TMEM117: variants seen among roughly 807,000 people sequenced by gnomAD.
TMEM117 encodes transmembrane protein 117.
In TMEM117, 27 loss-of-function variants were observed where a neutral mutation model predicts 52.4. The ratio of observed to expected loss-of-function variants is 0.51; its 90% CI spans 0.38 to 0.71. TMEM117 has a LOEUF of 0.71. Among genes scored for constraint, TMEM117 ranks in the 30% least tolerant of loss-of-function variants. TMEM117 has a pLI of 0.00. For synonymous variants in TMEM117, 215 were observed against 206.3 expected, an observed-to-expected ratio of 1.04 and a Z score of -0.36; for missense variants, 556 against 630.5, an observed-to-expected ratio of 0.88 and a Z score of 1.26.
At chr12:44,107,631 CTATTTCTAATGAAGAA>C (rs1207207311) in intron 3 of TMEM117, among the ~76,000 whole-genome samples, 1 of 152,004 alleles carries the variant, frequency 6.6e-6, no homozygotes, top group Non-Finnish European at 1.5e-5. Context: ...AATTTTTCGA[CTATTTCTAATGAAGAA>C]TATATAAAAT....
chr12:44,348,454 C>T (rs1951520193), intron 6 of TMEM117, among the ~76,000 whole-genome samples: 1 of 151,776 alleles, frequency 6.6e-6, no homozygotes, highest in South Asian at 2.1e-4. Context: ...GTACCAATAC[C>T]CCCTAGTCCA....
At chr12:44,389,892 A>G (rs908559538), downstream of TMEM117, 1 of 152,088 alleles carries the variant, frequency 6.6e-6, no homozygotes, top group African/African-American at 2.4e-5. Context: ...ATTTTGTTCC[A>G]TAAATTGTGG....
intron 3 of TMEM117, among the ~76,000 whole-genome samples, chr12:44,052,129 T>C (rs1210602684): frequency 1.3e-5 from 2 of 152,210 alleles, no homozygotes; most frequent in Non-Finnish European, 2.9e-5. Context: ...ACAATACATA[T>C]TAGCAATGCT....
At chr12:44,164,760 C>T (rs1177666671) in intron 4 of TMEM117, among the ~76,000 whole-genome samples, 10 of 152,142 alleles carry the variant, frequency 6.6e-5, no homozygotes, top group Non-Finnish European at 4.4e-5. Flanking sequence ...CTGAGAATCA[C>T]TTAAACCATG....
chr12:44,031,246 A>G (rs1946628424), intron 3 of TMEM117, among the ~76,000 whole-genome samples: 1 of 152,160 alleles, frequency 6.6e-6, no homozygotes, highest in African/African-American at 2.4e-5. Flanking sequence ...ATTCTGATAT[A>G]ACTTAGTGTA....
At chr12:43,846,728 T>C (rs1943215865) in intron 2 of TMEM117, among the ~76,000 whole-genome samples, 1 of 152,186 alleles carries the variant, frequency 6.6e-6, no homozygotes, top group African/African-American at 2.4e-5. Context: ...AATGTAATAA[T>C]AGAGCTTTGG....
chr12:43,833,533 C>G (rs1942994385), upstream of TMEM117, among the ~76,000 whole-genome samples: 1 of 151,944 alleles, frequency 6.6e-6, no homozygotes, highest in Admixed American at 6.6e-5. Flanking sequence ...TGTGGCTCAC[C>G]CTGAAATCCC....
At chr12:44,318,486 T>C (rs1441655859) in intron 6 of TMEM117, 1 of 151,590 alleles carries the variant, frequency 6.6e-6, no homozygotes, top group African/African-American at 2.4e-5. Context: ...ACAGGAAAGG[T>C]AGGGTGGCTA....
intron 6 of TMEM117, among the ~76,000 whole-genome samples, chr12:44,331,510 T>C (rs1951270173): frequency 6.6e-6 from 1 of 152,048 alleles, no homozygotes; most frequent in Non-Finnish European, 1.5e-5. Context: ...ACTCAAGAGT[T>C]AAAGAGCTTT....
chr12:44,396,592 G>T, the TMEM117 span, among the ~76,000 whole-genome samples: 1 of 152,110 alleles, frequency 6.6e-6, no homozygotes, highest in Non-Finnish European at 1.5e-5. Context: ...GGTGGCTCAA[G>T]CCTGTAATCC....
the TMEM117 span, among the ~76,000 whole-genome samples, chr12:43,808,635 C>A: frequency 1.3e-5 from 2 of 151,826 alleles, no homozygotes; most frequent in Non-Finnish European, 2.9e-5. Flanking sequence ...AGAGGGAGCA[C>A]AGGATCCATC....
At chr12:43,810,351 G>A in the TMEM117 span, among the ~76,000 whole-genome samples, 1 of 152,168 alleles carries the variant, frequency 6.6e-6, no homozygotes, top group African/African-American at 2.4e-5. Context: ...GTCTTTGCTA[G>A]TGATGCTAAT....
chr12:44,185,865 GACATAC>G (rs1265273924), intron 4 of TMEM117, among the ~76,000 whole-genome samples: 2 of 112,322 alleles, frequency 1.8e-5, no homozygotes, highest in African/African-American at 3.6e-5. Flanking sequence ...AGACCTAAAA[GACATAC>G]ACACACACAC....
At chr12:44,397,824 A>T in the TMEM117 span, among the ~76,000 whole-genome samples, 1 of 152,176 alleles carries the variant, frequency 6.6e-6, no homozygotes, top group Admixed American at 6.5e-5. Context: ...CAATTGTGTG[A>T]GGTCTAAGCA....
chr12:43,998,241 C>G (rs149231865), intron 3 of TMEM117, among the ~76,000 whole-genome samples: 413 of 152,244 alleles, frequency 2.7e-3, no homozygotes, highest in Non-Finnish European at 4.8e-3. Context: ...CAAAATCATC[C>G]AGACATTGGT....
intron 2 of TMEM117, among the ~76,000 whole-genome samples, chr12:43,864,963 T>A (rs554523958): frequency 6.6e-6 from 1 of 151,886 alleles, no homozygotes; most frequent in African/African-American, 2.4e-5. Flanking sequence ...GAACGAACAA[T>A]TCCAGACCCG....
At position 44,349,035 on chromosome 12, in the gene TMEM117, A is replaced by G. The variant is rs193255288; in HGVS notation, c.769-27560A>G. Among the ~76,000 whole-genome samples the G allele has an allele frequency of 3.8e-3, 575 of 152,136 alleles. 3 individuals carry two copies. Among genetic ancestry groups the G allele is most frequent in the Admixed American group, 6.8e-3 (104 of 15,250 alleles). On this transcript the variant is annotated intron_variant, in intron 6 of 7. Coordinates refer to ENST00000266534, the MANE Select transcript of TMEM117 (RefSeq NM_032256.3). The stretch of plus-strand genomic sequence containing the variant: ...TTGGTTGAAAGCCTTTCCCAACCAC[A>G]GTGAGTACCGAAACTATATTTGTAT...
At chr12:44,353,017 G>T (rs1319751660) in intron 6 of TMEM117, among the ~76,000 whole-genome samples, 3 of 152,180 alleles carry the variant, frequency 2.0e-5, no homozygotes, top group Admixed American at 1.3e-4. Flanking sequence ...ATCTCATTGT[G>T]GTTTTGATTT....
At chr12:44,297,452 C>A (rs1309211050) in intron 5 of TMEM117, among the ~76,000 whole-genome samples, 3 of 152,174 alleles carry the variant, frequency 2.0e-5, no homozygotes, top group Non-Finnish European at 4.4e-5. Flanking sequence ...CCAGGCAGTG[C>A]TGGATAACAG....
Sources: gnomAD v4.1 joint callset for allele counts (sites outside exome capture counted in the v4.1 genomes callset) on GRCh38, gnomAD v4.1.1 for gene constraint, MANE v1.5 for transcripts, NCBI Gene and HGNC (gene_info 2026-07-23, HGNC 2026-07-21) for gene names.